Variants in FLRT2 observed in about 807,000 individuals in gnomAD.
FLRT2 encodes the protein fibronectin leucine rich transmembrane protein 2, also known as leucine-rich repeat transmembrane protein FLRT2.
FLRT2 carries 15 observed loss-of-function variants against 40.0 expected under a neutral mutation model. The observed-to-expected ratio is 0.38, with a 90% CI of 0.25 to 0.58. FLRT2 has a LOEUF of 0.58. Ranked by LOEUF, FLRT2 falls within the 20% of genes least tolerant of loss-of-function variation. The pLI is 0.71. For synonymous variants in FLRT2, 380 were observed against 336.8 expected, an observed-to-expected ratio of 1.13 and a Z score of -1.41; for missense variants, 726 against 840.0, an observed-to-expected ratio of 0.86 and a Z score of 1.68.
At chr14:85,614,633 AC>A (rs1475042301) in intron 1 of FLRT2, among the ~76,000 whole-genome samples, 1 of 152,078 alleles carries the variant, frequency 6.6e-6, no homozygotes, top group Non-Finnish European at 1.5e-5. Flanking sequence ...GACAAATTGC[AC>A]CTGACCCACC....
chr14:85,576,346 C>T (rs944511274), intron 1 of FLRT2, among the ~76,000 whole-genome samples: 4 of 152,048 alleles, frequency 2.6e-5, no homozygotes, highest in African/African-American at 9.7e-5. Flanking sequence ...AAGTATTTGG[C>T]TGTTTTCCTT....
chr14:85,588,580 A>G (rs1411729126), intron 1 of FLRT2, among the ~76,000 whole-genome samples: 1 of 152,142 alleles, frequency 6.6e-6, no homozygotes, highest in African/African-American at 2.4e-5. Context: ...AGAATGGGGT[A>G]TCCATCCTCT....
In FLRT2 at chr14:85,636,094, T is replaced by A. The variant is rs1203693073; in HGVS notation, c.*12597T>A. ...CTGTTCTTTCATAAGCTGTTATTTA[T>A]GCTTCTCATTAATTAGTTCTTTGTT... is the stretch of plus-strand genomic sequence containing the variant. On this transcript the variant is annotated 3_prime_UTR_variant, in exon 2 of 2. Transcript: ENST00000330753. 1 of 152,128 alleles carries A rather than the reference T, an allele frequency of 6.6e-6. No individual in the cohort carries two copies. The highest frequency in any genetic ancestry group is 1.9e-4 in the East Asian group (1 of 5,194). 9.4% of individuals were successfully genotyped at this position (152,128 alleles called of 1,614,324 possible).
chr14:85,647,893 A>G lies in FLRT2; in HGVS notation c.*24396A>G, dbSNP rs1894345217. ...AAGTAATATGAAATAGGAAGAGGAT[A>G]AACAGTGTCATAAACAACTGTGATC... On this transcript the variant is annotated 3_prime_UTR_variant, in exon 2 of 2. Coordinates refer to ENST00000330753, the MANE Select transcript of FLRT2 (RefSeq NM_013231.6). 3 of 152,162 alleles carry G rather than the reference A, an allele frequency of 2.0e-5. No homozygotes were observed. The allele number at this position is 152,162 out of a possible 1,614,324, so 9.4% of individuals were successfully genotyped here. A position where few individuals can be genotyped will look rare whatever the true frequency, so the allele number is the denominator to read the frequency against.
At chr14:85,595,587 T>G (rs1294337698) in intron 1 of FLRT2, among the ~76,000 whole-genome samples, 1 of 152,170 alleles carries the variant, frequency 6.6e-6, no homozygotes, top group African/African-American at 2.4e-5. Context: ...AATCATGGAT[T>G]CCTTTCAAAA....
At chr14:85,620,905 G>GATGGTTGATAGTGACAGGTA (rs1473685980) in intron 1 of FLRT2, among the ~76,000 whole-genome samples, 1 of 152,236 alleles carries the variant, frequency 6.6e-6, no homozygotes, top group East Asian at 1.9e-4. Context: ...TTCACAATAT[G>GATGGTTGATAGTGACAGGTA]ATGGTTGATA....
chr14:85,559,299 C>T (rs1890163642), intron 1 of FLRT2: 1 of 152,120 alleles, frequency 6.6e-6, no homozygotes, highest in South Asian at 2.1e-4. Flanking sequence ...GAAGAGGGGC[C>T]CTTTCTCCTT....
In FLRT2 at chr14:85,623,356, C is replaced by A; in HGVS notation, c.1842C>A (p.Asn614Lys). The part of the protein sequence containing the change: ...ETSFQIVSLN[N>K]DQLLKGDFRL... ...GTTTTCAGATCGTCTCCTTAAATAA[C>A]GATCAACTCCTTAAAGGAGATTTCA... Residue 614 changes from asparagine (N) to lysine (K), a missense_variant, in exon 2 of 2, where the codon AAC becomes AAA. Around this residue, in one of 3 missense-constraint regions of FLRT2, gnomAD observed 611 missense variants for 690.0 expected, o/e 0.89. Coordinates refer to ENST00000330753, the MANE Select transcript of FLRT2 (RefSeq NM_013231.6). 5.2e-6 allele frequency: 8 copies of A among 1,524,090 alleles called. No individual in the cohort carries two copies. The highest frequency in any genetic ancestry group is 7.0e-6 in the Non-Finnish European group (8 of 1,137,844). The allele number at this position is 1,524,090 out of a possible 1,614,324, so 94.4% of individuals were successfully genotyped here. A position where few individuals can be genotyped will look rare whatever the true frequency, so the allele number is the denominator to read the frequency against.
Position 85,622,668 on chromosome 14 carries a change from C to A in FLRT2, c.1154C>A (p.Thr385Asn), listed in dbSNP as rs1457412792. Residue 385 changes from threonine (T) to asparagine (N), a missense_variant, in exon 2 of 2, where the codon ACC becomes AAC. Physicochemically the swap from Thr to Asn is moderately conservative, Grantham distance 65. Transcript: ENST00000330753. ...GCTTCTCCGACCACTCAGCCTCCCACCCTCTCTATTCCAAACCCTAGCAGA... is the reference window on the plus strand; with the variant it reads ...GCTTCTCCGACCACTCAGCCTCCCAACCTCTCTATTCCAAACCCTAGCAGA... ...STASPTTQPP[T>N]LSIPNPSRSY... is the part of the protein sequence containing the mutation. 6.2e-7 allele frequency: 1 copy of A among 1,614,046 alleles called. No individual in the cohort carries two copies. The highest frequency in any genetic ancestry group is 1.7e-5 in the Admixed American group (1 of 60,014).
chr14:85,551,766 G>A (rs1038945235), intron 1 of FLRT2: 9 of 152,184 alleles, frequency 5.9e-5, no homozygotes, highest in African/African-American at 2.2e-4. Flanking sequence ...TAGCCATGTG[G>A]TGAGAAACTT....
At chr14:85,565,416 G>T (rs1375688684) in intron 1 of FLRT2, among the ~76,000 whole-genome samples, 2 of 151,972 alleles carry the variant, frequency 1.3e-5, no homozygotes, top group East Asian at 3.9e-4. Flanking sequence ...TGTTTTATTG[G>T]GCTGGATGTA....
intron 1 of FLRT2, among the ~76,000 whole-genome samples, chr14:85,535,142 G>T (rs1007983288): frequency 6.6e-6 from 1 of 152,164 alleles, no homozygotes; most frequent in Non-Finnish European, 1.5e-5. Flanking sequence ...GGGAGCTATT[G>T]CTCCCCACTC....
chr14:85,571,191 G>GA, intron 1 of FLRT2, among the ~76,000 whole-genome samples: 1 of 152,040 alleles, frequency 6.6e-6, no homozygotes, highest in East Asian at 1.9e-4. Context: ...TGTTTCTGTA[G>GA]AAAACGATGT....
chr14:85,587,309 G>GAAA (rs1209169705), intron 1 of FLRT2, among the ~76,000 whole-genome samples: 1 of 144,866 alleles, frequency 6.9e-6, no homozygotes, highest in African/African-American at 2.6e-5. Flanking sequence ...AAAAAAAGAA[G>GAAA]AAAGCAGAGC....
In FLRT2 at chr14:85,630,600, G is replaced by C. The variant is rs1168614689; in HGVS notation, c.*7103G>C. On this transcript the variant is annotated 3_prime_UTR_variant, in exon 2 of 2. Coordinates refer to ENST00000330753, the MANE Select transcript of FLRT2 (RefSeq NM_013231.6). ...CAAAAATCTTTCTTGGAAGCTGCTGGTTTTTAACCGTCAGCCTGGGCTCTT... is the reference window on the plus strand; with the variant it reads ...CAAAAATCTTTCTTGGAAGCTGCTGCTTTTTAACCGTCAGCCTGGGCTCTT... The C allele has an allele frequency of 6.6e-6, 1 of 152,072 alleles. No individual in the cohort carries two copies. Among genetic ancestry groups the C allele is most frequent in the African/African-American group, 2.4e-5 (1 of 41,416 alleles). The allele number at this position is 152,072 out of a possible 1,614,324, so 9.4% of individuals were successfully genotyped here. A position where few individuals can be genotyped will look rare whatever the true frequency, so the allele number is the denominator to read the frequency against.
rs1893659055 is a variant in FLRT2, at chr14:85,625,852, TA to T, written c.*2356del. ...TATTCACAAAATACTCATTCTCATT[TA>T]TGTATATTGTATGTTTAACCCCCAG... On this transcript the variant is annotated 3_prime_UTR_variant, in exon 2 of 2. Transcript: ENST00000330753. 6.0e-6 allele frequency: 1 copy of T among 167,116 alleles called. No individual in the cohort carries two copies. 10.4% of individuals were successfully genotyped at this position (167,116 alleles called of 1,614,324 possible). A position where few individuals can be genotyped will look rare whatever the true frequency, so the allele number is the denominator to read the frequency against.
intron 1 of FLRT2, among the ~76,000 whole-genome samples, chr14:85,571,841 T>G (rs1890905315): frequency 6.6e-6 from 1 of 152,204 alleles, no homozygotes; most frequent in African/African-American, 2.4e-5. Context: ...TTGTTTTGCA[T>G]TCAGTGAAAT....
rs1307336657 is a variant in FLRT2, at chr14:85,622,679, C to G, written c.1165C>G (p.Pro389Ala). 1.9e-6 allele frequency: 3 copies of G among 1,613,916 alleles called. No individual in the cohort carries two copies. Among genetic ancestry groups the G allele is most frequent in the Admixed American group, 3.3e-5 (2 of 60,004 alleles). ...PTTQPPTLSI[P>A]NPSRSYTPPT... ...CACTCAGCCTCCCACCCTCTCTATT[C>G]CAAACCCTAGCAGAAGCTACACGCC... The change falls in exon 2 of 2, where the codon CCA becomes GCA. Residue 389 changes from proline (P) to alanine (A), a missense_variant. Pro to Ala is a conservative substitution (Grantham distance 27, BLOSUM62 -1). Coordinates refer to ENST00000330753, the MANE Select transcript of FLRT2 (RefSeq NM_013231.6).
intron 1 of FLRT2, among the ~76,000 whole-genome samples, chr14:85,533,678 G>A (rs995097661): frequency 6.6e-6 from 1 of 152,112 alleles, no homozygotes; most frequent in Non-Finnish European, 1.5e-5. Flanking sequence ...TGGCATGCCC[G>A]AACCCTGGAG....
Sources: gnomAD v4.1 joint callset for allele counts (sites outside exome capture counted in the v4.1 genomes callset) on GRCh38, gnomAD v4.1.1 for gene constraint, gnomAD v4.1.1 regional missense constraint, MANE v1.5 for transcripts, NCBI Gene and HGNC (gene_info 2026-07-23, HGNC 2026-07-21) for gene names.